Variants in NOS1AP observed in about 807,000 individuals in gnomAD.
NOS1AP encodes the protein nitric oxide synthase 1 adaptor protein, also known as carboxyl-terminal PDZ ligand of neuronal nitric oxide synthase protein.
A neutral mutation model predicts 56.2 loss-of-function variants in NOS1AP; 21 were observed. The observed-to-expected ratio is 0.37, with a 90% CI of 0.26 to 0.54. The LOEUF is 0.54. Among genes scored for constraint, NOS1AP ranks in the 20% least tolerant of loss-of-function variants. The probability of loss-of-function intolerance (pLI) is 0.84; values close to 1 mark genes in which losing one functional copy is unlikely to be tolerated. For missense variants in NOS1AP, 522 were observed against 657.8 expected (o/e 0.79, Z 2.26); for synonymous variants, 270 against 274.6 (o/e 0.98, Z 0.17).
intron 2 of NOS1AP, among the ~76,000 whole-genome samples, chr1:162,255,439 C>G (rs369470578): frequency 1.4e-5 from 2 of 145,488 alleles, no homozygotes; most frequent in African/African-American, 5.0e-5. Context: ...GAGACCCAGA[C>G]AGTTGGCCCA....
chr1:162,292,435 C>T (rs571846440), intron 3 of NOS1AP, among the ~76,000 whole-genome samples: 3 of 152,196 alleles, frequency 2.0e-5, no homozygotes, highest in Admixed American at 2.0e-4. Flanking sequence ...ATTGCCCAGG[C>T]CTTGTTTGAT....
intron 9 of NOS1AP, among the ~76,000 whole-genome samples, chr1:162,366,150 C>CCTGGG (rs1457873914): frequency 1.3e-5 from 2 of 152,168 alleles, no homozygotes; most frequent in Non-Finnish European, 2.9e-5. Flanking sequence ...ACTCAGTACC[C>CCTGGG]CTGGGCTGGG....
At chr1:162,276,823 T>C (rs1654747589) in intron 2 of NOS1AP, among the ~76,000 whole-genome samples, 1 of 152,234 alleles carries the variant, frequency 6.6e-6, no homozygotes, top group African/African-American at 2.4e-5. Flanking sequence ...GAGAGTTGTA[T>C]GTTAGAGTTT....
At chr1:162,360,280 G>T (rs979908270) in intron 8 of NOS1AP, among the ~76,000 whole-genome samples, 1 of 152,190 alleles carries the variant, frequency 6.6e-6, no homozygotes, top group East Asian at 1.9e-4. Context: ...CCCTCTGACC[G>T]CTCTTCCGAC....
rs1000818853 is a variant in NOS1AP, at chr1:162,241,015, A to T, written c.178-46329A>T. On this transcript the variant is annotated intron_variant, in intron 2 of 9. Transcript: ENST00000361897. ...ATGAGTAGAGGCTGAAATCCAGCCT[A>T]TCCTCTACTTCTCAAGACATGTACT... 1.3e-5 allele frequency among the ~76,000 whole-genome samples: 2 copies of T among 152,166 alleles called. 1 individual carries two copies. Among genetic ancestry groups the T allele is most frequent in the South Asian group, 4.1e-4 (2 of 4,822 alleles).
chr1:162,074,418 G>A (rs16849450), intron 1 of NOS1AP, among the ~76,000 whole-genome samples: 3,103 of 152,138 alleles, frequency 0.02, 116 homozygotes, highest in African/African-American at 0.07. Flanking sequence ...TTATATCTGC[G>A]TGTATGATAC....
rs1224658611 is a variant in NOS1AP, at chr1:162,261,460, C to CAG, written c.178-25884_178-25883insAG. On this transcript the variant is annotated intron_variant, in intron 2 of 9. Coordinates refer to ENST00000361897, the MANE Select transcript of NOS1AP (RefSeq NM_014697.3). The stretch of plus-strand genomic sequence containing the variant: ...AAGAGTCCTTATAGAAGAGAGGCAG[C>CAG]GGGGAGTCAGAGAGAGAGAGAGAGA... 1.5e-3 allele frequency among the ~76,000 whole-genome samples: 17 copies of CAG among 11,142 alleles called. 2 individuals carry two copies. The highest frequency in any genetic ancestry group is 3.7e-3 in the African/African-American group (14 of 3,754). 7.3% of individuals were successfully genotyped at this position (11,142 alleles called of 152,430 possible). A position where few individuals can be genotyped will look rare whatever the true frequency, so the allele number is the denominator to read the frequency against.
chr1:162,226,750 G>A (rs1020724394), intron 2 of NOS1AP, among the ~76,000 whole-genome samples: 4 of 152,122 alleles, frequency 2.6e-5, no homozygotes, highest in African/African-American at 9.7e-5. Flanking sequence ...GTCTTCCTAA[G>A]CTCTGCTGCT....
At chr1:162,143,062 C>G (rs1412367484) in intron 1 of NOS1AP, among the ~76,000 whole-genome samples, 4 of 129,686 alleles carry the variant, frequency 3.1e-5, no homozygotes, top group African/African-American at 1.1e-4. Context: ...GCAACTTGCT[C>G]AGTCGGAGGC....
intron 2 of NOS1AP, among the ~76,000 whole-genome samples, chr1:162,228,186 G>A (rs944357972): frequency 1.3e-5 from 2 of 152,188 alleles, no homozygotes; most frequent in Non-Finnish European, 2.9e-5. Context: ...AGGCTTAGAG[G>A]TTAGATTGAG....
At chr1:162,116,909 G>A (rs1015774016) in intron 1 of NOS1AP, among the ~76,000 whole-genome samples, 6 of 152,146 alleles carry the variant, frequency 3.9e-5, no homozygotes, top group African/African-American at 1.4e-4. Context: ...TTGCTACATA[G>A]ATCTGTAGCT....
intron 1 of NOS1AP, among the ~76,000 whole-genome samples, chr1:162,127,304 G>A (rs1648531732): frequency 6.6e-6 from 1 of 152,000 alleles, no homozygotes; most frequent in Non-Finnish European, 1.5e-5. Flanking sequence ...AAAGTATAGT[G>A]CAATGACCTC....
chr1:162,117,182 G>A (rs1415635894), intron 1 of NOS1AP, among the ~76,000 whole-genome samples: 2 of 152,172 alleles, frequency 1.3e-5, no homozygotes, highest in Admixed American at 1.3e-4. Context: ...GGGGACAGGA[G>A]CTCATTTTAT....
At chr1:162,185,437 A>T (rs764255060) in intron 2 of NOS1AP, among the ~76,000 whole-genome samples, 8 of 152,174 alleles carry the variant, frequency 5.3e-5, no homozygotes, top group Non-Finnish European at 8.8e-5. Context: ...GGCCATACAG[A>T]TTACGTTTGC....
chr1:162,336,448 C>T (rs1396335856), intron 5 of NOS1AP, among the ~76,000 whole-genome samples: 7 of 152,160 alleles, frequency 4.6e-5, no homozygotes, highest in Non-Finnish European at 7.3e-5. Context: ...TTTCCAAGAC[C>T]CATTTGTAAC....
chr1:162,216,434 G>A (rs909389898), intron 2 of NOS1AP, among the ~76,000 whole-genome samples: 14 of 152,192 alleles, frequency 9.2e-5, no homozygotes, highest in Non-Finnish European at 4.4e-5. Flanking sequence ...TTTTATCAGT[G>A]CCTAGACAAT....
intron 2 of NOS1AP, among the ~76,000 whole-genome samples, chr1:162,191,885 G>C (rs187912189): frequency 6.6e-6 from 1 of 152,146 alleles, no homozygotes; most frequent in African/African-American, 2.4e-5. Flanking sequence ...ATGCCAAAGT[G>C]GTGATGTAGA....
intron 4 of NOS1AP, among the ~76,000 whole-genome samples, chr1:162,316,204 C>CA (rs912813491): frequency 1.3e-5 from 2 of 151,988 alleles, no homozygotes; most frequent in African/African-American, 2.4e-5. Context: ...AGAACAGTGG[C>CA]AAAAAATGTT....
chr1:162,262,430 A>C (rs563800669), intron 2 of NOS1AP, among the ~76,000 whole-genome samples: 1 of 152,344 alleles, frequency 6.6e-6, no homozygotes, highest in East Asian at 1.9e-4. Context: ...AAATCTCCCA[A>C]CAATGAATTG....
Sources: allele counts gnomAD v4.1 joint callset (sites outside exome capture counted in the v4.1 genomes callset), GRCh38; gene constraint gnomAD v4.1.1; transcripts MANE v1.5; gene names NCBI Gene and HGNC (gene_info 2026-07-23, HGNC 2026-07-21).